Variants in ATE1 observed in about 807,000 individuals in gnomAD.
ATE1 encodes arginyl-tRNA--protein transferase 1.
A neutral mutation model predicts 70.5 loss-of-function variants in ATE1; 36 were observed. The observed-to-expected ratio is 0.51, with a 90% CI of 0.39 to 0.67. ATE1 has a LOEUF of 0.67. Ranked by LOEUF, ATE1 falls within the 30% of genes least tolerant of loss-of-function variation. The pLI is 0.00. For missense variants in ATE1, 593 were observed against 629.5 expected, an observed-to-expected ratio of 0.94 and a Z score of 0.62; for synonymous variants, 232 against 219.3, an observed-to-expected ratio of 1.06 and a Z score of -0.51.
At chr10:121,887,549 T>A in intron 7 of ATE1, among the ~76,000 whole-genome samples, 1 of 151,458 alleles carries the variant, frequency 6.6e-6, no homozygotes, top group Admixed American at 6.6e-5. Context: ...CAAAAAAAAA[T>A]TTAAAAATTA....
chr10:121,924,500 A>T (rs1381765578), intron 1 of ATE1, among the ~76,000 whole-genome samples, 171 bp from the exon 2 acceptor site: 1 of 152,144 alleles, frequency 6.6e-6, no homozygotes, highest in East Asian at 1.9e-4. Flanking sequence ...GGAGTTCAAG[A>T]CCAGCCTGGC....
chr10:121,838,871 T>A (rs996045646), intron 9 of ATE1, among the ~76,000 whole-genome samples: 1 of 151,990 alleles, frequency 6.6e-6, no homozygotes, highest in South Asian at 2.1e-4. Flanking sequence ...AATAAAAAAA[T>A]AAAAATCTAC....
intron 7 of ATE1, among the ~76,000 whole-genome samples, chr10:121,894,533 C>T (rs1171949239): frequency 1.3e-5 from 2 of 152,120 alleles, no homozygotes; most frequent in Admixed American, 1.3e-4. Context: ...TAATCACATA[C>T]ATAAGAGACT....
intron 7 of ATE1, among the ~76,000 whole-genome samples, chr10:121,893,283 A>AAG (rs1315040964): frequency 1.4e-5 from 2 of 142,384 alleles, no homozygotes; most frequent in East Asian, 2.1e-4. Context: ...TCTCAAAAAA[A>AAG]AAAAAAAAAA....
chr10:121,842,080 T>C (rs914305783), intron 8 of ATE1, among the ~76,000 whole-genome samples: 3 of 152,162 alleles, frequency 2.0e-5, no homozygotes, highest in Non-Finnish European at 2.9e-5. Flanking sequence ...CACAATCCCA[T>C]TGTATCTTCT....
At chr10:121,745,513 G>C (rs552530425) in intron 11 of ATE1, among the ~76,000 whole-genome samples, 1 of 151,686 alleles carries the variant, frequency 6.6e-6, no homozygotes, top group Non-Finnish European at 1.5e-5. Flanking sequence ...TCAGGAGATC[G>C]ACACCATTCT....
At chr10:121,926,943 A>G (rs779488247) in intron 1 of ATE1, 30 of 985,350 alleles carry the variant, frequency 3.0e-5, no homozygotes, top group Non-Finnish European at 3.5e-5. Context: ...AACACTTTTA[A>G]TGAAGGAGCA....
At chr10:121,863,459 G>A (rs1176964093) in intron 8 of ATE1, among the ~76,000 whole-genome samples, 1 of 151,708 alleles carries the variant, frequency 6.6e-6, no homozygotes, top group East Asian at 1.9e-4. Context: ...CACCATATTG[G>A]CCAGGCTGGT....
At chr10:121,783,153 GGTA>G (rs1240260810) in intron 11 of ATE1, among the ~76,000 whole-genome samples, 2 of 150,758 alleles carry the variant, frequency 1.3e-5, no homozygotes, top group African/African-American at 4.9e-5. Context: ...ATCCTTGTGA[GGTA>G]GTTACATGCT....
At chr10:121,861,422 A>G (rs1264786477) in intron 8 of ATE1, among the ~76,000 whole-genome samples, 1 of 152,000 alleles carries the variant, frequency 6.6e-6, no homozygotes, top group East Asian at 1.9e-4. Context: ...ATAAAAAATG[A>G]TGAGTTCATG....
At chr10:121,817,488 A>G (rs938811178) in intron 10 of ATE1, among the ~76,000 whole-genome samples, 5 of 151,878 alleles carry the variant, frequency 3.3e-5, no homozygotes, top group South Asian at 2.1e-4. Flanking sequence ...GCAGTGAGCC[A>G]AGATCACGCC....
At chr10:121,793,951 T>C (rs1946554392) in intron 10 of ATE1, among the ~76,000 whole-genome samples, 1 of 152,194 alleles carries the variant, frequency 6.6e-6, no homozygotes, top group African/African-American at 2.4e-5. Context: ...TTCATAATAT[T>C]ACATTTACAT....
intron 11 of ATE1, among the ~76,000 whole-genome samples, chr10:121,758,411 A>G (rs1250520874): frequency 6.6e-6 from 1 of 152,230 alleles, no homozygotes; most frequent in African/African-American, 2.4e-5. Context: ...ATTCTTTCCA[A>G]AAGAATTAAG....
rs187127725 is a variant in ATE1, at chr10:121,757,536, C to T, written c.1379-13678G>A. Among the ~76,000 whole-genome samples, 406 of 152,282 alleles carry T rather than the reference C, an allele frequency of 2.7e-3. 3 individuals are homozygous for T. The highest frequency in any genetic ancestry group is 0.022 in the Admixed American group (336 of 15,298). On this transcript the variant is annotated intron_variant, in intron 11 of 11. Transcript: ENST00000224652. The stretch of plus-strand genomic sequence containing the variant: ...TTACAAAAAAAGAGGTTTAATTGGA[C>T]TTACAGTTCCACATGACTGGGGAAG...
intron 7 of ATE1, among the ~76,000 whole-genome samples, chr10:121,894,010 G>A (rs938732236): frequency 2.0e-5 from 3 of 151,938 alleles, no homozygotes; most frequent in Admixed American, 6.6e-5. Flanking sequence ...GGTGGCACAC[G>A]CCTGTAATCC....
At chr10:121,842,587 G>A (rs1948669953) in intron 8 of ATE1, among the ~76,000 whole-genome samples, 1 of 152,044 alleles carries the variant, frequency 6.6e-6, no homozygotes, top group Admixed American at 6.6e-5. Context: ...CAAAATATTA[G>A]CAAATCAAAT....
chr10:121,902,151 A>T (rs1951006003), intron 6 of ATE1, among the ~76,000 whole-genome samples: 2 of 152,308 alleles, frequency 1.3e-5, no homozygotes, highest in South Asian at 4.1e-4. Flanking sequence ...CTGTTTTCAC[A>T]AGTTTGGTGG....
intron 10 of ATE1, among the ~76,000 whole-genome samples, chr10:121,836,246 T>C (rs1376967379): frequency 6.6e-6 from 1 of 152,206 alleles, no homozygotes; most frequent in Admixed American, 6.5e-5. Context: ...CCTGGTTTGA[T>C]GTAAAATGCC....
chr10:121,903,812 A>G (rs1036336915), intron 5 of ATE1, among the ~76,000 whole-genome samples: 4 of 152,144 alleles, frequency 2.6e-5, no homozygotes, highest in Admixed American at 1.3e-4. Flanking sequence ...AACAGACCAA[A>G]TATCAAACTG....
Sources: gnomAD v4.1 joint callset for allele counts (sites outside exome capture counted in the v4.1 genomes callset) on GRCh38, gnomAD v4.1.1 for gene constraint, MANE v1.5 for transcripts, NCBI Gene and HGNC (gene_info 2026-07-23, HGNC 2026-07-21) for gene names.